Variants in LRRN1 observed in about 807,000 individuals in gnomAD.
The protein encoded by LRRN1 is leucine rich repeat neuronal 1, also known as leucine-rich repeat neuronal protein 1.
LRRN1 carries 14 observed loss-of-function variants against 45.8 expected under a neutral mutation model. The ratio of observed to expected loss-of-function variants is 0.31; its 90% CI spans 0.20 to 0.48. LRRN1 has a LOEUF of 0.48. Among genes scored for constraint, LRRN1 ranks in the 20% least tolerant of loss-of-function variants. The pLI is 0.99. For synonymous variants in LRRN1, 359 were observed against 330.1 expected (o/e 1.09, Z -0.95); for missense variants, 789 against 874.2 (o/e 0.90, Z 1.23).
chr3:3,822,871 G>C (rs1050880523), intron 1 of LRRN1: 1 of 152,180 alleles, frequency 6.6e-6, no homozygotes, highest in South Asian at 2.1e-4. Flanking sequence ...TCTTTCATCG[G>C]GGGGAGAAGA....
At position 3,846,396 on chromosome 3, in the gene LRRN1, T is replaced by A. The variant is rs1693779614; in HGVS notation, c.1755T>A (p.His585Gln). The A allele has an allele frequency of 6.2e-7, 1 of 1,613,794 alleles. No homozygotes were observed. Among genetic ancestry groups the A allele is most frequent in the African/African-American group, 1.3e-5 (1 of 74,926 alleles). Reference sequence around the variant, plus strand: ...ATGTCCATGAATACAACCTAACGCATCTGCAGCCTTCCACAGATTATGAAG... The same window carrying A: ...ATGTCCATGAATACAACCTAACGCAACTGCAGCCTTCCACAGATTATGAAG... ...PVDVHEYNLT[H>Q]LQPSTDYEVC... The change falls in exon 2 of 2, where the codon CAT becomes CAA. Residue 585 changes from histidine to glutamine, a missense_variant. Physicochemically the swap from His to Gln is conservative, Grantham distance 24. Transcript: ENST00000319331. This position sits in a 1 kb window ranked among gnomAD's most constrained non-coding sequence, Gnocchi z 5.7.
chr3:3,825,936 C>G (rs896654640), intron 1 of LRRN1, among the ~76,000 whole-genome samples: 4 of 152,086 alleles, frequency 2.6e-5, no homozygotes, highest in African/African-American at 4.8e-5. Flanking sequence ...ATTATAGATG[C>G]TATTTTTATA....
At position 3,844,492 on chromosome 3, in the gene LRRN1, C is replaced by T; in HGVS notation, c.-150C>T. 1.6e-6 allele frequency: 1 copy of T among 621,978 alleles called. No homozygotes were observed. The highest frequency in any genetic ancestry group is 2.8e-5 in the East Asian group (1 of 35,350). The allele number at this position is 621,978 out of a possible 1,614,324, so 38.5% of individuals were successfully genotyped here. Reference sequence around the variant, plus strand: ...CCTTTTGAAAACTCCTGAAAACCATCCCTTTGGACTCTGGAATTCTACACA... The same window carrying T: ...CCTTTTGAAAACTCCTGAAAACCATTCCTTTGGACTCTGGAATTCTACACA... On this transcript the variant is annotated 5_prime_UTR_variant, in exon 2 of 2. Transcript: ENST00000319331.
At chr3:3,831,125 C>T (rs1376528169) in intron 1 of LRRN1, among the ~76,000 whole-genome samples, 1 of 152,142 alleles carries the variant, frequency 6.6e-6, no homozygotes, top group Non-Finnish European at 1.5e-5. Context: ...TGTTCTGGAC[C>T]CCACTCAAAA....
intron 1 of LRRN1, among the ~76,000 whole-genome samples, chr3:3,839,600 C>A (rs1693603478): frequency 6.6e-6 from 1 of 152,100 alleles, no homozygotes; most frequent in Non-Finnish European, 1.5e-5. Context: ...ATTAAATTTT[C>A]CAGTCTATAA....
chr3:3,821,518 G>A (rs1263693899), intron 1 of LRRN1, among the ~76,000 whole-genome samples: 1 of 152,018 alleles, frequency 6.6e-6, no homozygotes, highest in Non-Finnish European at 1.5e-5. Context: ...ATTAGAAGCT[G>A]TTTAAGGGCA....
At chr3:3,800,999 A>G (rs1301991516) in intron 1 of LRRN1, 1 of 152,366 alleles carries the variant, frequency 6.6e-6, no homozygotes, top group Non-Finnish European at 1.5e-5. Flanking sequence ...GCTCGGGGAA[A>G]AGTCCAGCAG....
At position 3,846,170 on chromosome 3, in the gene LRRN1, G is replaced by C; in HGVS notation, c.1529G>C (p.Arg510Pro). The change falls in exon 2 of 2, where the codon CGG becomes CCG. Residue 510 changes from arginine to proline, a missense_variant. Coordinates refer to ENST00000319331, the MANE Select transcript of LRRN1 (RefSeq NM_020873.7). This position sits in a 1 kb window ranked among gnomAD's most constrained non-coding sequence, Gnocchi z 5.7. ...VAQNVQGADT[R>P]VATIKVNGTL... is the part of the protein sequence containing the mutation. ...CAGAATGTCCAAGGGGCAGACACTC[G>C]GGTGGCAACAATTAAGGTTAATGGG... 6.2e-7 allele frequency: 1 copy of C among 1,614,084 alleles called. No homozygotes were observed. Among genetic ancestry groups the C allele is most frequent in the Non-Finnish European group, 8.5e-7 (1 of 1,180,018 alleles).
chr3:3,848,391 A>T lies in LRRN1; in HGVS notation c.*1599A>T, dbSNP rs1693822758. On this transcript the variant is annotated 3_prime_UTR_variant, in exon 2 of 2. Coordinates refer to ENST00000319331, the MANE Select transcript of LRRN1 (RefSeq NM_020873.7). ...AGGGATGGGATTTAATAGGTAAAGA[A>T]GAACCCATTTGAAAATAAAGGTTGT... Among the ~76,000 whole-genome samples the T allele has an allele frequency of 6.6e-6, 1 of 152,202 alleles. No homozygotes were observed. Among genetic ancestry groups the T allele is most frequent in the Non-Finnish European group, 1.5e-5 (1 of 68,038 alleles).
Position 3,849,758 on chromosome 3 carries a change from G to C in LRRN1, c.*2966G>C, listed in dbSNP as rs1693858572. 6.6e-6 allele frequency among the ~76,000 whole-genome samples: 1 copy of C among 152,132 alleles called. No individual in the cohort carries two copies. The highest frequency in any genetic ancestry group is 1.5e-5 in the Non-Finnish European group (1 of 68,010). On this transcript the variant is annotated 3_prime_UTR_variant, in exon 2 of 2. Transcript: ENST00000319331. ...ATAAAAACAAATGTAATGTTTGATT[G>C]TCAGTGTTTCTGATTTGGCAAAAAG... is the stretch of plus-strand genomic sequence containing the variant.
chr3:3,802,400 C>A (rs541930357), intron 1 of LRRN1, among the ~76,000 whole-genome samples: 1 of 152,260 alleles, frequency 6.6e-6, no homozygotes, highest in East Asian at 1.9e-4. Flanking sequence ...ATTCACGGAA[C>A]AGCATTTGCC....
chr3:3,829,711 C>A (rs6764796), intron 1 of LRRN1, among the ~76,000 whole-genome samples: 19,249 of 152,138 alleles, frequency 0.13, 1,344 homozygotes, highest in South Asian at 0.24. Context: ...CTTCTTTAGC[C>A]GTAAAGTGAG....
At chr3:3,803,355 A>C (rs897338839) in intron 1 of LRRN1, among the ~76,000 whole-genome samples, 2 of 152,252 alleles carry the variant, frequency 1.3e-5, no homozygotes, top group African/African-American at 4.8e-5. Flanking sequence ...GTAGGCCATA[A>C]GTCATAAATA....
At chr3:3,809,052 G>C (rs765834950) in intron 1 of LRRN1, among the ~76,000 whole-genome samples, 7 of 152,156 alleles carry the variant, frequency 4.6e-5, no homozygotes, top group Non-Finnish European at 1.0e-4. Context: ...TTGTTACACA[G>C]GGAAAAGACA....
intron 1 of LRRN1, among the ~76,000 whole-genome samples, chr3:3,819,791 A>C (rs1461443084): frequency 6.6e-6 from 1 of 152,312 alleles, no homozygotes; most frequent in East Asian, 1.9e-4. Flanking sequence ...ACAATCCGTA[A>C]CTAACAAGCA....
chr3:3,836,144 T>C (rs1432994267), intron 1 of LRRN1, among the ~76,000 whole-genome samples: 2 of 152,228 alleles, frequency 1.3e-5, no homozygotes, highest in African/African-American at 4.8e-5. Flanking sequence ...TTTAAGATAA[T>C]TAATTTGTAT....
Position 3,848,677 on chromosome 3 carries a change from C to A in LRRN1, c.*1885C>A, listed in dbSNP as rs1353522905. 1.3e-5 allele frequency among the ~76,000 whole-genome samples: 2 copies of A among 152,118 alleles called. No individual in the cohort carries two copies. The highest frequency in any genetic ancestry group is 4.8e-5 in the African/African-American group (2 of 41,412). ...AATAAGTACCTGAGCTCGAGGTATC[C>A]CTTCCCAAAGCCTTCACTTATTGGT... On this transcript the variant is annotated 3_prime_UTR_variant, in exon 2 of 2. Transcript: ENST00000319331.
intron 1 of LRRN1, among the ~76,000 whole-genome samples, chr3:3,803,306 A>C (rs1190340252): frequency 6.6e-6 from 1 of 151,470 alleles, no homozygotes; most frequent in Non-Finnish European, 1.5e-5. Context: ...AATAATAATG[A>C]TAAATAATCA....
At chr3:3,808,167 C>T (rs545661694) in intron 1 of LRRN1, among the ~76,000 whole-genome samples, 2 of 152,044 alleles carry the variant, frequency 1.3e-5, no homozygotes, top group South Asian at 2.1e-4. Context: ...CTTTAGTGAT[C>T]GAGAGGAAAA....
Sources: gnomAD v4.1 joint callset for allele counts (sites outside exome capture counted in the v4.1 genomes callset) on GRCh38, gnomAD v4.1.1 for gene constraint, Gnocchi (gnomAD v3.1) non-coding constraint, MANE v1.5 for transcripts, NCBI Gene and HGNC (gene_info 2026-07-23, HGNC 2026-07-21) for gene names.